The following PDE1C variants were observed in gnomAD, a reference collection of about 807,000 sequenced individuals.
PDE1C encodes dual specificity calcium/calmodulin-dependent 3',5'-cyclic nucleotide phosphodiesterase 1C.
PDE1C carries 62 observed loss-of-function variants against 93.1 expected under a neutral mutation model. That is an observed-to-expected ratio of 0.67 (90% confidence interval 0.54 to 0.82). The LOEUF is 0.82. PDE1C is among the 40% of genes least tolerant of loss of function. The pLI is 0.00. For synonymous variants in PDE1C, 325 were observed against 310.1 expected, an observed-to-expected ratio of 1.05 and a Z score of -0.50; for missense variants, 742 against 884.6, an observed-to-expected ratio of 0.84 and a Z score of 2.04.
intron 1 of PDE1C, among the ~76,000 whole-genome samples, chr7:32,242,580 A>T (rs145742267): frequency 6.6e-6 from 1 of 152,330 alleles, no homozygotes; most frequent in East Asian, 1.9e-4. Flanking sequence ...CCTGGGTGCA[A>T]ATGTCTTCGA....
intron 2 of PDE1C, among the ~76,000 whole-genome samples, chr7:32,030,339 T>A (rs1004501046): frequency 1.1e-4 from 16 of 152,118 alleles, no homozygotes; most frequent in Non-Finnish European, 2.4e-4. Flanking sequence ...ATTTAATATA[T>A]TGAAACCCAC....
At chr7:32,062,190 A>G (rs1041750306) in intron 1 of PDE1C, among the ~76,000 whole-genome samples, 3 of 152,190 alleles carry the variant, frequency 2.0e-5, no homozygotes, top group Non-Finnish European at 2.9e-5. Context: ...AAGAAAAAAG[A>G]ACCTGGGGAT....
chr7:31,734,277 G>A, the PDE1C span, among the ~76,000 whole-genome samples: 10 of 151,788 alleles, frequency 6.6e-5, no homozygotes, highest in African/African-American at 1.4e-4. Flanking sequence ...CTGAATGGTC[G>A]TAAAGGTTAA....
At chr7:32,050,954 A>G (rs1480669231) in intron 2 of PDE1C, among the ~76,000 whole-genome samples, 2 of 152,232 alleles carry the variant, frequency 1.3e-5, no homozygotes, top group Non-Finnish European at 2.9e-5. Flanking sequence ...CACATAGGTT[A>G]GGGCCAGTGA....
intron 7 of PDE1C, among the ~76,000 whole-genome samples, chr7:31,862,787 A>G (rs1368733648): frequency 1.3e-5 from 2 of 152,212 alleles, no homozygotes; most frequent in African/African-American, 4.8e-5. Flanking sequence ...CCAGCATATA[A>G]GTTCTCAATA....
At chr7:32,141,289 G>A (rs1800509441) in intron 3 of PDE1C, among the ~76,000 whole-genome samples, 1 of 152,148 alleles carries the variant, frequency 6.6e-6, no homozygotes, top group Non-Finnish European at 1.5e-5. Context: ...CTATTATCAT[G>A]CCTGTGAATA....
At chr7:32,237,325 G>A (rs1031274063) in intron 1 of PDE1C, among the ~76,000 whole-genome samples, 2 of 151,686 alleles carry the variant, frequency 1.3e-5, no homozygotes, top group African/African-American at 2.4e-5. Context: ...CTGACCTCGT[G>A]ATCCGCCCAT....
At chr7:31,630,854 A>C in the PDE1C span, among the ~76,000 whole-genome samples, 1 of 152,142 alleles carries the variant, frequency 6.6e-6, no homozygotes, top group Middle Eastern at 3.2e-3. Context: ...AAAAGAAAAC[A>C]GGAATTACAA....
intron 3 of PDE1C, among the ~76,000 whole-genome samples, chr7:32,127,924 A>G (rs1799677475): frequency 6.6e-6 from 1 of 152,000 alleles, no homozygotes; most frequent in Admixed American, 6.6e-5. Flanking sequence ...TAGGAAAAAG[A>G]AAAGGACAGC....
chr7:32,205,644 A>G (rs1352614652), intron 2 of PDE1C, among the ~76,000 whole-genome samples: 2 of 152,302 alleles, frequency 1.3e-5, no homozygotes, highest in East Asian at 1.9e-4. Context: ...GCCCTGCAGA[A>G]GCTTTGTTCC....
intron 1 of PDE1C, among the ~76,000 whole-genome samples, chr7:32,250,638 T>A (rs1378536413): frequency 2.0e-5 from 3 of 152,216 alleles, no homozygotes; most frequent in African/African-American, 7.2e-5. Context: ...CGATCACTGA[T>A]AATGCTGTAG....
At chr7:31,701,352 G>T in the PDE1C span, among the ~76,000 whole-genome samples, 1 of 152,184 alleles carries the variant, frequency 6.6e-6, no homozygotes, top group Admixed American at 6.6e-5. Flanking sequence ...AGAATTAGAA[G>T]TGGGGCCTGA....
At chr7:32,316,836 T>C (rs1783184307) in intron 1 of PDE1C, among the ~76,000 whole-genome samples, 1 of 152,224 alleles carries the variant, frequency 6.6e-6, no homozygotes, top group Non-Finnish European at 1.5e-5. Context: ...CTTTTTTCAT[T>C]GTGATAAATT....
At chr7:31,899,741 G>A (rs1456218673) in intron 2 of PDE1C, among the ~76,000 whole-genome samples, 1 of 152,126 alleles carries the variant, frequency 6.6e-6, no homozygotes, top group Non-Finnish European at 1.5e-5. Flanking sequence ...TATGTAAATA[G>A]CAGATTAATC....
intron 1 of PDE1C, among the ~76,000 whole-genome samples, chr7:32,329,569 G>T (rs73687129): frequency 2.6e-5 from 4 of 152,226 alleles, no homozygotes; most frequent in Admixed American, 6.5e-5. Flanking sequence ...CATTTGTCCA[G>T]TTTTCTAGTT....
chr7:31,736,082 A>G, the PDE1C span, among the ~76,000 whole-genome samples: 2 of 152,200 alleles, frequency 1.3e-5, no homozygotes, highest in Non-Finnish European at 2.9e-5. Context: ...TCCATAGTTG[A>G]GTGAACACAA....
At chr7:32,228,130 G>A (rs1807429133) in intron 1 of PDE1C, among the ~76,000 whole-genome samples, 3 of 152,198 alleles carry the variant, frequency 2.0e-5, no homozygotes, top group Admixed American at 2.0e-4. Context: ...TAGGCTTCAA[G>A]GTAGTTTGTT....
the PDE1C span, chr7:31,653,497 C>T: frequency 6.6e-6 from 1 of 151,626 alleles, no homozygotes; most frequent in Non-Finnish European, 1.5e-5. Flanking sequence ...TTGTCCTGTA[C>T]CTATTAAGAG....
intron 1 of PDE1C, among the ~76,000 whole-genome samples, chr7:32,314,675 G>A (rs1428010664): frequency 6.6e-6 from 1 of 152,066 alleles, no homozygotes; most frequent in Admixed American, 6.6e-5. Flanking sequence ...TCTTACTGTG[G>A]TTCTTAAATC....
Sources: gnomAD v4.1 joint callset for allele counts (sites outside exome capture counted in the v4.1 genomes callset) on GRCh38, gnomAD v4.1.1 for gene constraint, MANE v1.5 for transcripts, NCBI Gene and HGNC (gene_info 2026-07-23, HGNC 2026-07-21) for gene names.